C10orf71: variants seen among roughly 807,000 people sequenced by gnomAD.
C10orf71 encodes chromosome 10 open reading frame 71.
For missense variants in C10orf71, 1,869 were observed against 1,804.5 expected (o/e 1.04, Z -0.65); for synonymous variants, 758 against 726.3 (o/e 1.04, Z -0.70).
At chr10:49,299,943 C>T (rs1214046408) in intron 1 of C10orf71, among the ~76,000 whole-genome samples, 2 of 152,222 alleles carry the variant, frequency 1.3e-5, no homozygotes, top group Non-Finnish European at 2.9e-5. Flanking sequence ...CAAAACAAAG[C>T]CCGCCACAGG....
rs1464905770 is a variant in C10orf71 at position 49,325,578 on chromosome 10, A to G, written c.3033A>G (p.Ile1011Met). The change falls in exon 3 of 3, where the codon ATA becomes ATG. Residue 1011 changes from isoleucine to methionine, a missense_variant. Coordinates refer to ENST00000374144, the MANE Select transcript of C10orf71 (RefSeq NM_001135196.2). Reference sequence around the variant, plus strand: ...CCATTGCTTTACCCGAGGGTGACATAGAAGACCAGCCACCCCCATGGCAGC... The same window carrying G: ...CCATTGCTTTACCCGAGGGTGACATGGAAGACCAGCCACCCCCATGGCAGC... ...IPTIALPEGD[I>M]EDQPPPWQPE... 1 of 1,550,772 alleles carries G rather than the reference A, an allele frequency of 6.4e-7. No homozygotes were observed. The highest frequency in any genetic ancestry group is 8.7e-7 in the Non-Finnish European group (1 of 1,146,196).
intron 2 of C10orf71, among the ~76,000 whole-genome samples, chr10:49,319,720 AT>A (rs2132425349): frequency 2.8e-5 from 1 of 36,048 alleles, no homozygotes; most frequent in African/African-American, 6.9e-5. Context: ...ATATATATAT[AT>A]ATATATATAT....
chr10:49,323,478 G>C lies in C10orf71; in HGVS notation c.933G>C (p.Leu311Phe), dbSNP rs1412059292. The part of the protein sequence containing the change: ...KAPKHYGDTT[L>F]LREPCPPERT... ...CCAAGCACTATGGGGACACGACCTT[G>C]CTAAGAGAACCCTGTCCTCCTGAGC... The change falls in exon 3 of 3, where the codon TTG becomes TTC. Residue 311 changes from leucine to phenylalanine, a missense_variant. By Grantham distance (22) the Leu-to-Phe change is conservative. Transcript: ENST00000374144. The C allele has an allele frequency of 1.2e-5, 20 of 1,613,864 alleles. No individual in the cohort carries two copies. Among genetic ancestry groups the C allele is most frequent in the Non-Finnish European group, 1.7e-5 (20 of 1,179,772 alleles).
rs117594214 is a variant in C10orf71, at chr10:49,303,612, G to A, written c.-248+4379G>A. 6.2e-4 allele frequency among the ~76,000 whole-genome samples: 94 copies of A among 152,370 alleles called. 1 individual carries two copies. In the East Asian group the frequency reaches 0.017, roughly 27 times the overall value. On this transcript the variant is annotated intron_variant, in intron 1 of 2. Transcript: ENST00000374144. ...TGCTTCCTTAAGAAGGGAAAGGGGG[G>A]CAAGGGGCTGGCGCTGTTCTCAGAC...
Position 49,327,328 on chromosome 10 carries a change from C to T in C10orf71, c.*475C>T. 2 of 237,746 alleles carry T rather than the reference C, an allele frequency of 8.4e-6. No homozygotes were observed. The highest frequency in any genetic ancestry group is 1.3e-4 in the South Asian group (2 of 15,722). The allele number at this position is 237,746 out of a possible 1,614,324, so 14.7% of individuals were successfully genotyped here. A position where few individuals can be genotyped will look rare whatever the true frequency, so the allele number is the denominator to read the frequency against. ...GACTCAGCAGGCATTCAGGTCAACT[C>T]AGGCAGACTGGCTAAGGACCAGCCC... On this transcript the variant is annotated 3_prime_UTR_variant, in exon 3 of 3. Transcript: ENST00000374144.
intron 1 of C10orf71, among the ~76,000 whole-genome samples, chr10:49,308,178 G>A (rs1848849225): frequency 6.6e-6 from 1 of 152,204 alleles, no homozygotes; most frequent in Non-Finnish European, 1.5e-5. Flanking sequence ...GACAAGCCCA[G>A]GCAAGCTGGT....
Position 49,326,509 on chromosome 10 carries a change from C to G in C10orf71, c.3964C>G (p.Pro1322Ala), listed in dbSNP as rs944212282. The G allele has an allele frequency of 6.2e-5, 96 of 1,550,446 alleles. No homozygotes were observed. The highest frequency in any genetic ancestry group is 8.2e-5 in the Non-Finnish European group (94 of 1,146,918). The stretch of plus-strand genomic sequence containing the variant: ...GTCCTCCGAGGGGGCCTCCCCAGAG[C>G]CGCCCCCACCGGACGCCCTGGCCGC... ...IPSSEGASPE[P>A]PPPDALAAPY... The change falls in exon 3 of 3, where the codon CCG becomes GCG. Residue 1322 changes from proline to alanine, a missense_variant. Coordinates refer to ENST00000374144, the MANE Select transcript of C10orf71 (RefSeq NM_001135196.2).
At chr10:49,306,809 G>A (rs1176548255) in intron 1 of C10orf71, among the ~76,000 whole-genome samples, 1 of 152,242 alleles carries the variant, frequency 6.6e-6, no homozygotes, top group Non-Finnish European at 1.5e-5. Flanking sequence ...ACGAGGACCT[G>A]TGCCCAGATC....
chr10:49,310,080 A>G (rs963805696), intron 1 of C10orf71, among the ~76,000 whole-genome samples: 5 of 152,192 alleles, frequency 3.3e-5, no homozygotes, highest in Admixed American at 3.3e-4. Flanking sequence ...GATGAGGAGG[A>G]AAATGGAACA....
At chr10:49,298,950 T>C (rs1848678504), upstream of C10orf71, 1 of 152,162 alleles carries the variant, frequency 6.6e-6, no homozygotes, top group Non-Finnish European at 1.5e-5. Context: ...ATGTTTTCCT[T>C]CCCACCTCGG....
At position 49,324,320 on chromosome 10, in the gene C10orf71, G is replaced by A. The variant is rs780129738; in HGVS notation, c.1775G>A (p.Ser592Asn). The A allele has an allele frequency of 6.2e-7, 1 of 1,613,886 alleles. No homozygotes were observed. Among genetic ancestry groups the A allele is most frequent in the South Asian group, 1.1e-5 (1 of 91,048 alleles). ...TCTGCAGACAGCTATCTAACTCTTA[G>A]CACAGCTCCGACTATCGCCAAAGCC... ...EPSADSYLTL[S>N]TAPTIAKAPF... The change falls in exon 3 of 3, where the codon AGC becomes AAC. Residue 592 changes from serine (S) to asparagine (N), a missense_variant. Transcript: ENST00000374144.
Position 49,325,614 on chromosome 10 carries a change from T to C in C10orf71, c.3069T>C (p.Cys1023=), listed in dbSNP as rs1259218340. 9.0e-6 allele frequency: 14 copies of C among 1,552,034 alleles called. No individual in the cohort carries two copies. The highest frequency in any genetic ancestry group is 5.9e-5 in the Admixed American group (3 of 51,014). The change falls in exon 3 of 3, where the codon TGT becomes TGC. Residue 1023 remains cysteine (C), a synonymous_variant. Transcript: ENST00000374144. ...CACCCCCATGGCAGCCCGAAAACTG[T>C]TGGGAAGAGCAAACACCAGGTTTCA... ...DQPPPWQPEN[C]WEEQTPGFKS... is the part of the protein sequence containing the mutation.
Position 49,323,499 on chromosome 10 carries a change from T to C in C10orf71, c.954T>C (p.Pro318=). The C allele has an allele frequency of 6.2e-7, 1 of 1,613,442 alleles. No homozygotes were observed. The highest frequency in any genetic ancestry group is 8.5e-7 in the Non-Finnish European group (1 of 1,179,444). The change falls in exon 3 of 3, where the codon CCT becomes CCC. Residue 318 remains proline (P), a synonymous_variant. Transcript: ENST00000374144. The part of the protein sequence containing the change: ...DTTLLREPCP[P]ERTVSPCQVQ... ...CCTTGCTAAGAGAACCCTGTCCTCC[T>C]GAGCGCACAGTCTCTCCCTGCCAGG...
At chr10:49,313,341 G>A (rs1044994555) in intron 1 of C10orf71, among the ~76,000 whole-genome samples, 5 of 152,188 alleles carry the variant, frequency 3.3e-5, no homozygotes, top group Non-Finnish European at 7.3e-5. Context: ...GCAGGAAGTA[G>A]GGTGGCATGA....
Position 49,324,354 on chromosome 10 carries a change from T to A in C10orf71, c.1809T>A (p.Tyr603Ter). 6.2e-7 allele frequency: 1 copy of A among 1,613,792 alleles called. No individual in the cohort carries two copies. Residue 603 changes from tyrosine to a stop codon, truncating the protein, a stop_gained, in exon 3 of 3, where the codon TAT (tyrosine) becomes TAA (stop). Transcript: ENST00000374144. LOFTEE classifies it low-confidence loss of function (END_TRUNC). Reference protein sequence around the residue: ...TAPTIAKAPFYVNGEAAERSS... With the variant: ...TAPTIAKAPF ...CGACTATCGCCAAAGCCCCCTTCTA[T>A]GTCAATGGGGAGGCTGCTGAGAGAA...
chr10:49,323,842 C>A lies in C10orf71; in HGVS notation c.1297C>A (p.Pro433Thr). ...CAATGCTCTTGACCTGCCTGTGGAA[C>A]CCAATGAACATTATGATCCCCCCTT... Reference protein sequence around the residue: ...ENNALDLPVEPNEHYDPPFNI... With the variant: ...ENNALDLPVETNEHYDPPFNI... The change falls in exon 3 of 3, where the codon CCC (proline) becomes ACC (threonine). Residue 433 changes from proline to threonine, a missense_variant. By Grantham distance (38) the Pro-to-Thr change is conservative. Transcript: ENST00000374144. The A allele has an allele frequency of 6.2e-7, 1 of 1,613,914 alleles. No individual in the cohort carries two copies. The highest frequency in any genetic ancestry group is 8.5e-7 in the Non-Finnish European group (1 of 1,179,876).
rs564195631 is a variant in C10orf71, at chr10:49,318,038, T to C, written c.-145+1791T>C. ...ACCTTGTGACACCTCGATTTTGGACTTCTAGCCTCCAGAACTGTGCGGCAA... is the reference window on the plus strand; with the variant it reads ...ACCTTGTGACACCTCGATTTTGGACCTCTAGCCTCCAGAACTGTGCGGCAA... On this transcript the variant is annotated intron_variant, in intron 2 of 2. Coordinates refer to ENST00000374144, the MANE Select transcript of C10orf71 (RefSeq NM_001135196.2). Among the ~76,000 whole-genome samples, 3 of 152,302 alleles carry C rather than the reference T, an allele frequency of 2.0e-5. No individual in the cohort carries two copies. The South Asian group carries it at 6.2e-4, about 32-fold the overall frequency.
Position 49,323,507 on chromosome 10 carries a change from C to T in C10orf71, c.962C>T (p.Thr321Ile), listed in dbSNP as rs1382949350. The T allele has an allele frequency of 5.6e-6, 9 of 1,612,544 alleles. No homozygotes were observed. In the Admixed American group the frequency reaches 6.7e-5, roughly 12 times the overall value. ...LLREPCPPER[T>I]VSPCQVQASC... ...AGAGAACCCTGTCCTCCTGAGCGCA[C>T]AGTCTCTCCCTGCCAGGTCCAGGCC... Residue 321 changes from threonine (T) to isoleucine (I), a missense_variant, in exon 3 of 3, where the codon ACA becomes ATA. Transcript: ENST00000374144.
intron 1 of C10orf71, among the ~76,000 whole-genome samples, chr10:49,302,711 A>C (rs1848749945): frequency 6.6e-6 from 1 of 152,236 alleles, no homozygotes; most frequent in Admixed American, 6.5e-5. Flanking sequence ...AAAGGAGGCT[A>C]TCCCATCACT....
Sources: allele counts gnomAD v4.1 joint callset (sites outside exome capture counted in the v4.1 genomes callset), GRCh38; gene constraint gnomAD v4.1.1; transcripts MANE v1.5; gene names NCBI Gene and HGNC (gene_info 2026-07-23, HGNC 2026-07-21).